DZIP1L: variants seen among roughly 807,000 people sequenced by gnomAD.
DZIP1L encodes DAZ interacting zinc finger protein 1 like, also known as cilium assembly protein DZIP1L.
DZIP1L carries 90 observed loss-of-function variants against 88.7 expected under a neutral mutation model. The observed-to-expected ratio is 1.02, with a 90% CI of 0.86 to 1.21. DZIP1L has a LOEUF of 1.21. Among genes scored for constraint, DZIP1L ranks in the 50% most tolerant of loss-of-function variants. DZIP1L has a pLI of 0.00. For missense variants in DZIP1L, 932 were observed against 955.8 expected (o/e 0.98, Z 0.33); for synonymous variants, 363 against 372.1 (o/e 0.98, Z 0.28).
Position 138,063,371 on chromosome 3 carries a change from G to C in DZIP1L, c.2143-394C>G, listed in dbSNP as rs1942768029. ...CGAGCTGAATGCACTGTGGGCTAATGACCCGCCTCCTCTCAGACAGGTTCC... is the reference window on the plus strand; with the variant it reads ...CGAGCTGAATGCACTGTGGGCTAATCACCCGCCTCCTCTCAGACAGGTTCC... On this transcript the variant is annotated intron_variant, in intron 15 of 15. Coordinates refer to ENST00000327532, the MANE Select transcript of DZIP1L (RefSeq NM_173543.3). This position sits in a 1 kb window ranked among gnomAD's most constrained non-coding sequence, Gnocchi z 4.1. Among the ~76,000 whole-genome samples the C allele has an allele frequency of 6.6e-6, 1 of 152,196 alleles. No individual in the cohort carries two copies. The highest frequency in any genetic ancestry group is 1.5e-5 in the Non-Finnish European group (1 of 68,044).
rs144125944 is a variant in DZIP1L at position 138,092,473 on chromosome 3, C to T, written c.780G>A (p.Trp260Ter). ...KEFDKWKEQEWTKLYGEIDKL... is the reference protein window; with the variant it reads ...KEFDKWKEQE ...TATCTATTTCCCCATAAAGTTTGGT[C>T]CACTCTTGCTCTTTCCATTTATCAA... Residue 260 changes from tryptophan (W) to a stop codon, truncating the protein, a stop_gained, in exon 5 of 16, where the codon TGG (tryptophan) becomes TGA (stop). Transcript: ENST00000327532. LOFTEE classifies it high-confidence loss of function. The T allele has an allele frequency of 1.9e-6, 3 of 1,606,962 alleles. No homozygotes were observed. The highest frequency in any genetic ancestry group is 2.5e-6 in the Non-Finnish European group (3 of 1,177,538).
intron 5 of DZIP1L, chr3:138,089,193 T>A (rs574746507): frequency 2.8e-5 from 28 of 985,398 alleles, no homozygotes; most frequent in Non-Finnish European, 3.4e-5. Context: ...AAGTTTAACT[T>A]GATATCATTC....
In DZIP1L at chr3:138,067,506, C is replaced by T. The variant is rs749713253; in HGVS notation, c.2002+25G>A. The T allele has an allele frequency of 1.9e-6, 3 of 1,567,660 alleles. No homozygotes were observed. In the African/African-American group the frequency reaches 4.2e-5, roughly 22 times the overall value. ...AAGGGCTACACCGGTGGTCCCAGCC[C>T]ACTCACCCAAAGGTGCCAGCTCACC... On this transcript the variant is annotated intron_variant, in intron 14 of 15. Transcript: ENST00000327532.
intron 13 of DZIP1L, 33 bp from the exon 14 acceptor site, chr3:138,067,733 A>C (rs765588297): frequency 6.6e-7 from 1 of 1,516,802 alleles, no homozygotes; most frequent in Non-Finnish European, 8.8e-7. Context: ...TGAGGGATGC[A>C]TGGGCCAGAA....
chr3:138,106,129 T>TC (rs2042479034), intron 1 of DZIP1L, among the ~76,000 whole-genome samples: 1 of 46,572 alleles, frequency 2.1e-5, no homozygotes, highest in African/African-American at 1.7e-4. Flanking sequence ...TCTTCTTTCT[T>TC]TTTTTTTTTT....
At chr3:138,086,230 A>G (rs1482420212) in intron 7 of DZIP1L, among the ~76,000 whole-genome samples, 7 of 151,700 alleles carry the variant, frequency 4.6e-5, no homozygotes, top group African/African-American at 7.3e-5. Flanking sequence ...CACATTGTGC[A>G]CATGTACCCT....
At position 138,067,711 on chromosome 3, in the gene DZIP1L, G is replaced by A. The variant is rs1942974793; in HGVS notation, c.1833-11C>T. ...CTGAACGGGGGCGTGCTGCCACGAG[G>A]AGGAGAAGAAATGAGGGATGCATGG... On this transcript the variant is annotated splice_polypyrimidine_tract_variant and intron_variant, in intron 13 of 15. Coordinates refer to ENST00000327532, the MANE Select transcript of DZIP1L (RefSeq NM_173543.3). 1.3e-6 allele frequency: 2 copies of A among 1,538,578 alleles called. No homozygotes were observed. The highest frequency in any genetic ancestry group is 4.4e-5 in the Admixed American group (2 of 45,446).
chr3:138,084,316 T>C (rs1291343464), intron 7 of DZIP1L, 63 bp from the exon 8 acceptor site: 4 of 1,571,024 alleles, frequency 2.5e-6, no homozygotes, highest in Admixed American at 1.8e-5. Context: ...GCCTGGTGTC[T>C]GCAGGCTCAG....
At chr3:138,097,394 A>T (rs956501841) in intron 3 of DZIP1L, among the ~76,000 whole-genome samples, 3 of 152,164 alleles carry the variant, frequency 2.0e-5, no homozygotes. Flanking sequence ...GCATCAGGGA[A>T]CTGCAGATTC....
At chr3:138,064,575 G>C (rs780125409) in intron 15 of DZIP1L, 53 bp downstream of exon 15, 1 of 1,613,892 alleles carries the variant, frequency 6.2e-7, no homozygotes, top group Non-Finnish European at 8.5e-7. Context: ...CCCAAACTCA[G>C]AGCTGGTTCT....
At chr3:138,095,014 G>C in intron 3 of DZIP1L, 31 bp from the exon 4 acceptor site, 2 of 1,613,494 alleles carry the variant, frequency 1.2e-6, no homozygotes, top group South Asian at 2.2e-5. Context: ...CAGGTGACCA[G>C]TTTAAGTCCA....
chr3:138,098,106 G>C (rs577539622), intron 2 of DZIP1L, among the ~76,000 whole-genome samples: 42 of 152,324 alleles, frequency 2.8e-4, no homozygotes, highest in African/African-American at 9.4e-4. Context: ...TGCTTTTTCA[G>C]AGTGTGATGA....
At chr3:138,086,534 C>A (rs1186683041) in intron 7 of DZIP1L, among the ~76,000 whole-genome samples, 2 of 152,170 alleles carry the variant, frequency 1.3e-5, no homozygotes, top group African/African-American at 4.8e-5. Context: ...TATCTAAGTC[C>A]TTCCCTTTGG....
At chr3:138,077,935 C>T (rs1335294501) in intron 10 of DZIP1L, among the ~76,000 whole-genome samples, 1 of 152,214 alleles carries the variant, frequency 6.6e-6, no homozygotes, top group Non-Finnish European at 1.5e-5. Flanking sequence ...AGACAGATCG[C>T]TGCTCCCTCA....
At chr3:138,096,625 T>C (rs1050241742) in intron 3 of DZIP1L, among the ~76,000 whole-genome samples, 2 of 152,200 alleles carry the variant, frequency 1.3e-5, no homozygotes, top group African/African-American at 4.8e-5. Flanking sequence ...CTTTTCTACT[T>C]TCCTATATTT....
Position 138,062,990 on chromosome 3 carries a change from A to C in DZIP1L, c.2143-13T>G. ...CATCTTCAGAAAGCTGCAGGGGGTA[A>C]AGGGGAGAAGAAAATGCATTTTGAT... On this transcript the variant is annotated splice_polypyrimidine_tract_variant and intron_variant, in intron 15 of 15. Coordinates refer to ENST00000327532, the MANE Select transcript of DZIP1L (RefSeq NM_173543.3). 6.2e-7 allele frequency: 1 copy of C among 1,612,960 alleles called. No homozygotes were observed.
At chr3:138,075,384 AAGATAGACCAGAT>A in intron 11 of DZIP1L, among the ~76,000 whole-genome samples, 1 of 152,370 alleles carries the variant, frequency 6.6e-6, no homozygotes, top group African/African-American at 2.4e-5. Flanking sequence ...AACATTCTCC[AAGATAGACCAGAT>A]GATAGGCCAC....
At chr3:138,077,924 T>C (rs947165030) in intron 10 of DZIP1L, among the ~76,000 whole-genome samples, 3 of 152,198 alleles carry the variant, frequency 2.0e-5, no homozygotes, top group Non-Finnish European at 4.4e-5. Flanking sequence ...GTGGACAAGA[T>C]AGACAGATCG....
At chr3:138,102,872 C>T (rs922938566) in intron 2 of DZIP1L, 4 of 660,938 alleles carry the variant, frequency 6.1e-6, no homozygotes, top group Non-Finnish European at 1.1e-5. Flanking sequence ...ACCTGGGGGC[C>T]AGAGGTGGGC....
Sources: allele counts gnomAD v4.1 joint callset (sites outside exome capture counted in the v4.1 genomes callset), GRCh38; gene constraint gnomAD v4.1.1; non-coding constraint Gnocchi (gnomAD v3.1); transcripts MANE v1.5; gene names NCBI Gene and HGNC (gene_info 2026-07-23, HGNC 2026-07-21).